The following SCAF11 variants were observed in gnomAD, a reference collection of about 807,000 sequenced individuals.
SCAF11 encodes SR-related CTD associated factor 11, also known as protein SCAF11.
In SCAF11, 47 loss-of-function variants were observed where a neutral mutation model predicts 140.5. The ratio of observed to expected loss-of-function variants is 0.33; its 90% CI spans 0.26 to 0.43. The LOEUF (loss-of-function observed/expected upper bound fraction) is 0.43, where lower values mean the gene tolerates loss of function less well. Ranked by LOEUF, SCAF11 falls within the 20% of genes least tolerant of loss-of-function variation. The pLI is 1.00. For missense variants in SCAF11, 1,645 were observed against 1,705.1 expected, an observed-to-expected ratio of 0.96 and a Z score of 0.62; for synonymous variants, 557 against 579.4, an observed-to-expected ratio of 0.96 and a Z score of 0.55.
chr12:45,932,989 C>T, intron 9 of SCAF11, 142 bp downstream of exon 9: 1 of 566,632 alleles, frequency 1.8e-6, no homozygotes, highest in Non-Finnish European at 3.1e-6. Flanking sequence ...CTTTATTGGG[C>T]ATTTGAAACA....
intron 1 of SCAF11, among the ~76,000 whole-genome samples, chr12:45,976,748 C>T (rs1946244926): frequency 6.6e-6 from 1 of 151,944 alleles, no homozygotes; most frequent in African/African-American, 2.4e-5. Context: ...TTTCTTCTAT[C>T]AGAAAAGGTC....
intron 10 of SCAF11, among the ~76,000 whole-genome samples, chr12:45,930,540 A>T (rs1366366938): frequency 1.3e-5 from 2 of 150,464 alleles, no homozygotes; most frequent in Admixed American, 6.6e-5. Flanking sequence ...TGTAGCCTCA[A>T]CCTCCCAGAC....
intron 1 of SCAF11, among the ~76,000 whole-genome samples, chr12:45,981,332 AAACT>A (rs1459677777): frequency 3.3e-5 from 5 of 152,224 alleles, no homozygotes; most frequent in Non-Finnish European, 5.9e-5. Context: ...TCCCTAAAAC[AAACT>A]ATTCTAAATG....
At chr12:45,972,951 G>GATATATAGATATATATATAGATAT (rs1565689183) in intron 1 of SCAF11, among the ~76,000 whole-genome samples, 12 of 111,344 alleles carry the variant, frequency 1.1e-4, no homozygotes, top group African/African-American at 6.4e-4. Context: ...TATATATATA[G>GATATATAGATATATATATAGATAT]ATATATAGAT....
intron 1 of SCAF11, among the ~76,000 whole-genome samples, chr12:45,990,099 G>A (rs1204593935): frequency 6.6e-6 from 1 of 151,986 alleles, no homozygotes; most frequent in Non-Finnish European, 1.5e-5. Context: ...CGGCGGCCCA[G>A]GGCCGGGCCG....
At chr12:45,974,323 T>G (rs1592220544) in intron 1 of SCAF11, 1 of 432,516 alleles carries the variant, frequency 2.3e-6, no homozygotes, top group Non-Finnish European at 4.7e-6. Flanking sequence ...AAGGGCAGGG[T>G]TGGCTGTGGC....
chr12:45,935,713 TGC>T (rs1331100187), intron 6 of SCAF11, among the ~76,000 whole-genome samples: 1 of 152,192 alleles, frequency 6.6e-6, no homozygotes, highest in Non-Finnish European at 1.5e-5. Flanking sequence ...TTAGATAAAA[TGC>T]TCTCTACTGA....
At chr12:45,961,959 C>T (rs1254303444) in intron 2 of SCAF11, 102 bp from the exon 3 acceptor site, 2 of 755,182 alleles carry the variant, frequency 2.6e-6, no homozygotes, top group East Asian at 5.9e-5. Flanking sequence ...GACCCTCCTA[C>T]TATAAAGCAA....
intron 4 of SCAF11, among the ~76,000 whole-genome samples, chr12:45,949,592 A>G (rs1426883661): frequency 6.6e-6 from 1 of 152,174 alleles, no homozygotes; most frequent in Non-Finnish European, 1.5e-5. Context: ...CAGAAGAAAC[A>G]TATTTAAGAC....
intron 1 of SCAF11, among the ~76,000 whole-genome samples, chr12:45,990,141 G>A (rs564212583): frequency 3.6e-4 from 55 of 151,888 alleles, no homozygotes; most frequent in African/African-American, 1.2e-3. Context: ...AGAGGGAAAG[G>A]GGCCCTCCCG....
chr12:45,969,244 G>T (rs764192), intron 1 of SCAF11, among the ~76,000 whole-genome samples: 129,848 of 152,222 alleles, frequency 0.85, 55,744 homozygotes, highest in African/African-American at 0.95. Context: ...ACCTCAAGCC[G>T]CGGGGAATCA....
At chr12:45,956,840 C>T (rs930522873) in intron 3 of SCAF11, among the ~76,000 whole-genome samples, 7 of 152,124 alleles carry the variant, frequency 4.6e-5, no homozygotes, top group Non-Finnish European at 7.4e-5. Context: ...GTTAATTTAC[C>T]TTACTGGTAA....
At position 45,990,537 on chromosome 12, in the gene SCAF11, G is replaced by A; in HGVS notation, c.-206C>T. ...CGGCGGCGAAGCAGGGAGCGACCCA[G>A]GTTGCGCTGCTCCGCGCGGCTTAAG... On this transcript the variant is annotated 5_prime_UTR_variant, in exon 1 of 15. Coordinates refer to ENST00000369367, the MANE Select transcript of SCAF11 (RefSeq NM_004719.3). The A allele has an allele frequency of 8.1e-7, 1 of 1,232,000 alleles. No homozygotes were observed. The highest frequency in any genetic ancestry group is 1.0e-6 in the Non-Finnish European group (1 of 988,274). The allele number at this position is 1,232,000 out of a possible 1,614,324, so 76.3% of individuals were successfully genotyped here.
chr12:45,934,517 C>A lies in SCAF11; in HGVS notation c.464-12G>T. ...GTATAAAGAGTTTCCTGTACAAAGA[C>A]ATAAAAGGACTTGGTTACCTTGTAT... On this transcript the variant is annotated splice_polypyrimidine_tract_variant and intron_variant, in intron 6 of 14. Coordinates refer to ENST00000369367, the MANE Select transcript of SCAF11 (RefSeq NM_004719.3). 6.5e-7 allele frequency: 1 copy of A among 1,541,164 alleles called. No homozygotes were observed. Among genetic ancestry groups the A allele is most frequent in the East Asian group, 2.3e-5 (1 of 43,202 alleles).
At chr12:45,961,974 A>G in intron 2 of SCAF11, 117 bp from the exon 3 acceptor site, 1 of 619,390 alleles carries the variant, frequency 1.6e-6, no homozygotes, top group Non-Finnish European at 2.5e-6. Context: ...AAGCAAATAG[A>G]TCTTAGATAA....
At chr12:45,929,291 G>A (rs1944984832) in intron 10 of SCAF11, 1 of 153,970 alleles carries the variant, frequency 6.5e-6, no homozygotes, top group Non-Finnish European at 1.4e-5. Flanking sequence ...CCAGGTAGCT[G>A]GGACTACAGG....
Position 45,928,873 on chromosome 12 carries a change from A to T in SCAF11, c.842-14T>A, listed in dbSNP as rs767350727. On this transcript the variant is annotated splice_polypyrimidine_tract_variant and intron_variant, in intron 10 of 14. Coordinates refer to ENST00000369367, the MANE Select transcript of SCAF11 (RefSeq NM_004719.3). ...TGCAAGAAGTACCTAATAATATTTA[A>T]AAAAAAAAAAAAAGTAAAAAATATG... 1.3e-3 allele frequency: 1,628 copies of T among 1,214,056 alleles called. 2 individuals carry two copies. Among genetic ancestry groups the T allele is most frequent in the Non-Finnish European group, 1.6e-3 (1,461 of 921,582 alleles). 75.2% of individuals were successfully genotyped at this position (1,214,056 alleles called of 1,614,324 possible). A position where few individuals can be genotyped will look rare whatever the true frequency, so the allele number is the denominator to read the frequency against.
Position 45,934,214 on chromosome 12 carries a change from G to A in SCAF11, c.594C>T (p.Ser198=). The change falls in exon 8 of 15, where the codon AGC becomes AGT. Residue 198 remains serine (S), a synonymous_variant. Coordinates refer to ENST00000369367, the MANE Select transcript of SCAF11 (RefSeq NM_004719.3). ...AGGTAAAGGAAGATTCTCCAGAGTG[G>A]CTAACAGAAGAAAACATATTGGAGA... is the stretch of plus-strand genomic sequence containing the variant. ...NFFSNMFSSV[S]HSGESSFTYR... 6.2e-7 allele frequency: 1 copy of A among 1,609,008 alleles called. No homozygotes were observed. The highest frequency in any genetic ancestry group is 8.5e-7 in the Non-Finnish European group (1 of 1,176,274).
intron 1 of SCAF11, among the ~76,000 whole-genome samples, chr12:45,984,135 G>C (rs1052019013): frequency 1.3e-5 from 2 of 152,050 alleles, no homozygotes; most frequent in Non-Finnish European, 2.9e-5. Context: ...CCCAGATTAA[G>C]ATTCTTTTTA....
Sources: gnomAD v4.1 joint callset for allele counts (sites outside exome capture counted in the v4.1 genomes callset) on GRCh38, gnomAD v4.1.1 for gene constraint, MANE v1.5 for transcripts, NCBI Gene and HGNC (gene_info 2026-07-23, HGNC 2026-07-21) for gene names.